TCF7L2: variants seen among roughly 807,000 people sequenced by gnomAD.
TCF7L2 encodes the protein transcription factor 7 like 2, also known as transcription factor 7-like 2.
TCF7L2 carries 23 observed loss-of-function variants against 77.9 expected under a neutral mutation model. The ratio of observed to expected loss-of-function variants is 0.30; its 90% confidence interval spans 0.21 to 0.42. The LOEUF is 0.42. TCF7L2 is among the 10% of genes least tolerant of loss of function. TCF7L2 has a pLI of 1.00. For synonymous variants in TCF7L2, 413 were observed against 340.2 expected (o/e 1.21, Z -2.36); for missense variants, 654 against 793.1 (o/e 0.82, Z 2.11).
intron 5 of TCF7L2, among the ~76,000 whole-genome samples, chr10:113,087,907 A>T (rs2059992770): frequency 6.6e-6 from 1 of 152,194 alleles, no homozygotes; most frequent in South Asian, 2.1e-4. Flanking sequence ...TGCTCTAAAG[A>T]TGTGGCTGCT....
At position 113,017,965 on chromosome 10, in the gene TCF7L2, A is replaced by G. The variant is rs10885406; in HGVS notation, c.451-22060A>G. On this transcript the variant is annotated intron_variant, in intron 4 of 13. Coordinates refer to ENST00000627217, the MANE Select transcript of TCF7L2 (RefSeq NM_001146274.2). Reference sequence around the variant, plus strand: ...CAAACAAATAAACTTAGTGTATTAAAAGGGCTGGAGAGAGCAGAGTAAGGT... The same window carrying G: ...CAAACAAATAAACTTAGTGTATTAAGAGGGCTGGAGAGAGCAGAGTAAGGT... Among the ~76,000 whole-genome samples the G allele has an allele frequency of 0.53, 81,323 of 152,044 alleles. 24,328 individuals are homozygous for G. The highest frequency in any genetic ancestry group is 0.8 in the African/African-American group (33,035 of 41,484).
chr10:113,074,194 C>G (rs1367204696), intron 5 of TCF7L2, among the ~76,000 whole-genome samples: 1 of 152,138 alleles, frequency 6.6e-6, no homozygotes, highest in Non-Finnish European at 1.5e-5. Flanking sequence ...GCAGAACATT[C>G]TGGATTTGTG....
chr10:113,071,536 C>T lies in TCF7L2; in HGVS notation c.552+31410C>T, dbSNP rs2058016375. ...TCGTCTTTATTCTCACCCCGTCCCC[C>T]CGCCACCTCTCTCCCCAAGTTCACA... is the stretch of plus-strand genomic sequence containing the variant. On this transcript the variant is annotated intron_variant, in intron 5 of 13. Transcript: ENST00000627217. Among the ~76,000 whole-genome samples the T allele has an allele frequency of 2.6e-5, 4 of 152,270 alleles. No homozygotes were observed. The South Asian group carries it at 8.3e-4, about 32-fold the overall frequency.
At chr10:113,087,611 G>C (rs928242553) in intron 5 of TCF7L2, among the ~76,000 whole-genome samples, 1 of 152,220 alleles carries the variant, frequency 6.6e-6, no homozygotes, top group African/African-American at 2.4e-5. Context: ...GGGAGGCTCT[G>C]CTTGCCAGAC....
intron 5 of TCF7L2, among the ~76,000 whole-genome samples, chr10:113,097,675 C>CAAAAAAAAAAAAAAAAAAAAAAAAA (rs2061188919): frequency 2.3e-5 from 1 of 43,676 alleles, no homozygotes; most frequent in African/African-American, 7.1e-5. Context: ...AAAAAAAAAA[C>CAAAAAAAAAAAAAAAAAAAAAAAAA]AACCATGAGA....
intron 4 of TCF7L2, among the ~76,000 whole-genome samples, chr10:112,982,605 GTCCAGAATACCCTTTATTTTTGTTTTC>G: frequency 6.6e-6 from 1 of 152,216 alleles, no homozygotes; most frequent in Admixed American, 6.5e-5. Context: ...AATAAGAGTA[GTCCAGAATACCCTTTATTTTTGTTTTC>G]TTCTTTGAGA....
intron 5 of TCF7L2, among the ~76,000 whole-genome samples, chr10:113,131,520 C>T (rs553557986): frequency 6.6e-6 from 1 of 152,326 alleles, no homozygotes; most frequent in East Asian, 1.9e-4. Context: ...CCCTAGTTTA[C>T]TCAAATTACC....
At chr10:113,117,783 T>C (rs902373201) in intron 5 of TCF7L2, among the ~76,000 whole-genome samples, 9 of 152,086 alleles carry the variant, frequency 5.9e-5, no homozygotes, top group African/African-American at 2.2e-4. Context: ...AACTAAAAAA[T>C]GTCAAAAGAT....
At chr10:113,065,875 G>C (rs1342847370) in intron 5 of TCF7L2, among the ~76,000 whole-genome samples, 1 of 152,180 alleles carries the variant, frequency 6.6e-6, no homozygotes, top group African/African-American at 2.4e-5. Context: ...GCTTAGGAGG[G>C]AGTTGCGGTT....
chr10:113,127,865 C>CT (rs1216449011), intron 5 of TCF7L2, among the ~76,000 whole-genome samples: 6 of 90,622 alleles, frequency 6.6e-5, no homozygotes, highest in Admixed American at 1.5e-4. Flanking sequence ...GTTGCTGCGT[C>CT]CTTTTTTTTT....
chr10:113,126,272 T>G (rs983784357), intron 5 of TCF7L2, among the ~76,000 whole-genome samples: 2 of 152,128 alleles, frequency 1.3e-5, no homozygotes, highest in African/African-American at 4.8e-5. Flanking sequence ...TGCCAAGAAT[T>G]TTGAGAGTAC....
At chr10:113,028,859 C>A (rs144009140) in intron 4 of TCF7L2, among the ~76,000 whole-genome samples, 1 of 152,132 alleles carries the variant, frequency 6.6e-6, no homozygotes, top group Non-Finnish European at 1.5e-5. Context: ...TTTAAAATAA[C>A]CCTTCCAGGT....
At chr10:112,971,482 T>C (rs1441947605) in intron 4 of TCF7L2, among the ~76,000 whole-genome samples, 3 of 152,064 alleles carry the variant, frequency 2.0e-5, no homozygotes, top group Admixed American at 1.3e-4. Flanking sequence ...CTAATTTTTG[T>C]ATTTTTAGTA....
chr10:113,123,264 C>T (rs1022612332), intron 5 of TCF7L2, among the ~76,000 whole-genome samples: 4 of 152,316 alleles, frequency 2.6e-5, no homozygotes, highest in South Asian at 2.1e-4. Flanking sequence ...TTAACAACTC[C>T]GGTTCAGAGC....
chr10:113,007,054 A>AT (rs2045675338), intron 4 of TCF7L2, among the ~76,000 whole-genome samples: 1 of 152,224 alleles, frequency 6.6e-6, no homozygotes, highest in Non-Finnish European at 1.5e-5. Flanking sequence ...CAGCATTGGC[A>AT]TCTCTGTCCT....
chr10:113,119,617 C>T (rs1042448798), intron 5 of TCF7L2, among the ~76,000 whole-genome samples: 3 of 151,734 alleles, frequency 2.0e-5, no homozygotes, highest in African/African-American at 7.3e-5. Context: ...AAGTTCTTGG[C>T]CACATGTCTC....
intron 4 of TCF7L2, among the ~76,000 whole-genome samples, chr10:113,006,386 C>T (rs1224536254): frequency 6.6e-6 from 1 of 152,164 alleles, no homozygotes; most frequent in African/African-American, 2.4e-5. Flanking sequence ...CCTGGCTCTG[C>T]CTCAATCCCT....
intron 5 of TCF7L2, among the ~76,000 whole-genome samples, chr10:113,066,040 T>C (rs1007737437): frequency 6.6e-6 from 1 of 152,166 alleles, no homozygotes; most frequent in Non-Finnish European, 1.5e-5. Context: ...ACACCATGTT[T>C]TCTGAATTCC....
chr10:112,980,721 G>A (rs559925615), intron 4 of TCF7L2, among the ~76,000 whole-genome samples: 18 of 151,750 alleles, frequency 1.2e-4, no homozygotes, highest in Non-Finnish European at 2.4e-4. Context: ...TCCGCCTCCC[G>A]GGTTCATGCC....
Sources: allele counts gnomAD v4.1 joint callset (sites outside exome capture counted in the v4.1 genomes callset), GRCh38; gene constraint gnomAD v4.1.1; transcripts MANE v1.5; gene names NCBI Gene and HGNC (gene_info 2026-07-23, HGNC 2026-07-21).